PTPRR: variants seen among roughly 807,000 people sequenced by gnomAD.
PTPRR encodes the protein protein tyrosine phosphatase receptor type R.
In PTPRR, 38 loss-of-function variants were observed where a neutral mutation model predicts 77.2. The observed-to-expected ratio is 0.49, with a 90% confidence interval of 0.38 to 0.65. PTPRR has a LOEUF of 0.65. Ranked by LOEUF, PTPRR falls within the 30% of genes least tolerant of loss-of-function variation. The pLI is 0.00. For missense variants in PTPRR, 744 were observed against 799.2 expected (o/e 0.93, Z 0.83); for synonymous variants, 299 against 283.1 (o/e 1.06, Z -0.57).
intron 6 of PTPRR, among the ~76,000 whole-genome samples, chr12:70,728,774 C>T (rs2136874410): frequency 6.6e-6 from 1 of 151,974 alleles, no homozygotes; most frequent in Admixed American, 6.6e-5. Context: ...ACTTCTTTAT[C>T]TCCATTCCTT....
chr12:70,760,890 G>A (rs1007598939), intron 4 of PTPRR, among the ~76,000 whole-genome samples: 1 of 152,180 alleles, frequency 6.6e-6, no homozygotes, highest in African/African-American at 2.4e-5. Flanking sequence ...GGAGTGAGAT[G>A]GTGGAGGTGG....
intron 2 of PTPRR, among the ~76,000 whole-genome samples, chr12:70,806,477 A>G (rs1891711330): frequency 1.3e-5 from 2 of 152,214 alleles, no homozygotes; most frequent in South Asian, 2.1e-4. Context: ...TTGCTGGGCT[A>G]TGGAGTTTGA....
rs183780609 is a variant in PTPRR, at chr12:70,891,542, A to C, written c.357+1137T>G. 2.6e-5 allele frequency among the ~76,000 whole-genome samples: 4 copies of C among 152,262 alleles called. No homozygotes were observed. The East Asian group carries it at 7.7e-4, about 29-fold the overall frequency. On this transcript the variant is annotated intron_variant, in intron 2 of 13. Transcript: ENST00000283228. ...GACCCACATATTTTCTCTTAACAAG[A>C]GTTCATCTTGTGTTCTTAGCTTATG...
rs537440893 is a variant in PTPRR at position 70,731,325 on chromosome 12, G to A, written c.1007+14493C>T. ...GTTGGAGTTTAAACATGTACAAATA[G>A]GAAAGCAATGGTAAGGACAGTCACC... On this transcript the variant is annotated intron_variant, in intron 6 of 13. Coordinates refer to ENST00000283228, the MANE Select transcript of PTPRR (RefSeq NM_002849.4). Among the ~76,000 whole-genome samples the A allele has an allele frequency of 7.2e-5, 11 of 152,148 alleles. No homozygotes were observed. The East Asian group carries it at 2.1e-3, about 29-fold the overall frequency.
rs574447324 is a variant in PTPRR at position 70,820,742 on chromosome 12, T to C, written c.358-55964A>G. Among the ~76,000 whole-genome samples the C allele has an allele frequency of 5.8e-4, 89 of 152,338 alleles. No individual in the cohort carries two copies. In the South Asian group the frequency reaches 0.015, roughly 26 times the overall value. ...TTAGAGAGAATCCCCACTTGGTATC[T>C]TATCACTTTCATTTTCTGATCAAGT... On this transcript the variant is annotated intron_variant, in intron 2 of 13. Coordinates refer to ENST00000283228, the MANE Select transcript of PTPRR (RefSeq NM_002849.4).
At chr12:70,712,877 TTTTA>T (rs1179393991) in intron 6 of PTPRR, among the ~76,000 whole-genome samples, 1 of 149,424 alleles carries the variant, frequency 6.7e-6, no homozygotes, top group Non-Finnish European at 1.5e-5. Context: ...CCCTCCTCTT[TTTTA>T]TTGAGATCAA....
chr12:70,808,008 G>T (rs1436897809), intron 2 of PTPRR, among the ~76,000 whole-genome samples: 1 of 152,164 alleles, frequency 6.6e-6, no homozygotes, highest in Non-Finnish European at 1.5e-5. Flanking sequence ...AAACGGGTAA[G>T]AGAAGTATTG....
At chr12:70,679,546 TA>T (rs1887578820) in intron 10 of PTPRR, among the ~76,000 whole-genome samples, 1 of 152,218 alleles carries the variant, frequency 6.6e-6, no homozygotes, top group African/African-American at 2.4e-5. Flanking sequence ...ATCTAATAAA[TA>T]ATTGCTCTTT....
intron 8 of PTPRR, among the ~76,000 whole-genome samples, chr12:70,689,226 A>G (rs1373640574): frequency 6.6e-6 from 1 of 152,184 alleles, no homozygotes; most frequent in Admixed American, 6.5e-5. Flanking sequence ...TAATGGATAC[A>G]TTAATATTAG....
intron 6 of PTPRR, among the ~76,000 whole-genome samples, chr12:70,735,278 G>T (rs1191228546): frequency 6.6e-6 from 1 of 152,180 alleles, no homozygotes; most frequent in East Asian, 1.9e-4. Context: ...ACCTGAGATT[G>T]AGTTAATCTA....
intron 5 of PTPRR, among the ~76,000 whole-genome samples, chr12:70,748,340 C>G (rs1890277981): frequency 6.6e-6 from 1 of 152,130 alleles, no homozygotes; most frequent in Non-Finnish European, 1.5e-5. Flanking sequence ...TTTCCGAAAG[C>G]ATCTGGAAAA....
intron 2 of PTPRR, among the ~76,000 whole-genome samples, chr12:70,799,573 A>G (rs2137018409): frequency 6.6e-6 from 1 of 152,194 alleles, no homozygotes; most frequent in Non-Finnish European, 1.5e-5. Context: ...TTTTTACCCT[A>G]TGGACATATA....
At chr12:70,657,952 AT>A (rs762788480) in intron 12 of PTPRR, among the ~76,000 whole-genome samples, 1 of 152,174 alleles carries the variant, frequency 6.6e-6, no homozygotes, top group Non-Finnish European at 1.5e-5. Flanking sequence ...TCCTTGACAA[AT>A]TCGCACAGCT....
chr12:70,822,138 G>T (rs528323676), intron 2 of PTPRR, among the ~76,000 whole-genome samples: 12 of 152,196 alleles, frequency 7.9e-5, no homozygotes, highest in Non-Finnish European at 1.6e-4. Flanking sequence ...GGTGTTGGAT[G>T]TTGCAGAAAA....
intron 2 of PTPRR, among the ~76,000 whole-genome samples, chr12:70,846,054 A>C (rs1892478603): frequency 1.3e-5 from 2 of 152,230 alleles, no homozygotes; most frequent in Admixed American, 1.3e-4. Flanking sequence ...GTTAAATACA[A>C]GTATATGTAA....
intron 2 of PTPRR, among the ~76,000 whole-genome samples, chr12:70,832,232 G>T (rs936928991): frequency 6.6e-6 from 1 of 152,170 alleles, no homozygotes; most frequent in Non-Finnish European, 1.5e-5. Flanking sequence ...TACCTTTGGT[G>T]GCTAGACAAG....
chr12:70,688,149 G>A (rs1457701066), intron 8 of PTPRR, among the ~76,000 whole-genome samples: 1 of 152,032 alleles, frequency 6.6e-6, no homozygotes, highest in African/African-American at 2.4e-5. Context: ...GTCTTCCAGG[G>A]CAAAGTTCCA....
At chr12:70,914,967 G>A (rs148007751) in intron 1 of PTPRR, among the ~76,000 whole-genome samples, 68 of 152,266 alleles carry the variant, frequency 4.5e-4, no homozygotes, top group Non-Finnish European at 7.2e-4. Context: ...AATCTTTGAC[G>A]TGCAAGTCTG....
chr12:70,711,465 A>G (rs1178427573), intron 6 of PTPRR, among the ~76,000 whole-genome samples: 1 of 152,010 alleles, frequency 6.6e-6, no homozygotes, highest in East Asian at 1.9e-4. Context: ...GTATATTTAT[A>G]TTTAGTATAT....
Sources: gnomAD v4.1 joint callset for allele counts (sites outside exome capture counted in the v4.1 genomes callset) on GRCh38, gnomAD v4.1.1 for gene constraint, MANE v1.5 for transcripts, NCBI Gene and HGNC (gene_info 2026-07-23, HGNC 2026-07-21) for gene names.